Variants in RAB3B observed in about 807,000 individuals in gnomAD.
RAB3B encodes RAB3B, member RAS oncogene family.
RAB3B carries 11 observed loss-of-function variants against 20.5 expected under a neutral mutation model. The observed-to-expected ratio is 0.54, with a 90% CI of 0.34 to 0.89. The LOEUF is 0.89. RAB3B is among the 40% of genes least tolerant of loss of function. RAB3B has a pLI of 0.02. For synonymous variants in RAB3B, 99 were observed against 106.3 expected (o/e 0.93, Z 0.42); for missense variants, 225 against 280.9 (o/e 0.80, Z 1.42).
chr1:51,943,022 C>T (rs546352932), intron 2 of RAB3B, among the ~76,000 whole-genome samples: 27 of 152,244 alleles, frequency 1.8e-4, no homozygotes, highest in African/African-American at 6.3e-4. Flanking sequence ...GCCATTCCCC[C>T]ATCTCTCCCT....
intron 4 of RAB3B, among the ~76,000 whole-genome samples, chr1:51,921,416 G>T (rs909414372): frequency 2.6e-5 from 4 of 152,188 alleles, no homozygotes; most frequent in Non-Finnish European, 4.4e-5. Context: ...ACAAAGTCAT[G>T]TGGCTGTATT....
chr1:51,920,069 C>G lies in RAB3B; in HGVS notation c.518G>C (p.Arg173Thr). 4 of 1,614,098 alleles carry G rather than the reference C, an allele frequency of 2.5e-6. No homozygotes were observed. Among genetic ancestry groups the G allele is most frequent in the Non-Finnish European group, 3.4e-6 (4 of 1,179,964 alleles). The change falls in exon 5 of 5, where the codon AGG (arginine) becomes ACG (threonine). Residue 173 changes from arginine (R) to threonine (T), a missense_variant. Coordinates refer to ENST00000371655, the MANE Select transcript of RAB3B (RefSeq NM_002867.4). ...ATCCACCAGGCGCTCAAAGGCCTGC[C>G]TTACACTGATGTTCTCCTTTGCACT... Reference protein sequence around the residue: ...EASAKENISVRQAFERLVDAI... With the variant: ...EASAKENISVTQAFERLVDAI...
intron 4 of RAB3B, 81 bp from the exon 5 acceptor site, chr1:51,920,195 T>TG: frequency 2.4e-6 from 3 of 1,245,722 alleles, no homozygotes; most frequent in Non-Finnish European, 2.2e-6. Flanking sequence ...CCAAGCACTC[T>TG]GGATTAATAT....
intron 1 of RAB3B, among the ~76,000 whole-genome samples, chr1:51,980,037 A>AC (rs1216781110): frequency 1.3e-5 from 2 of 151,006 alleles, no homozygotes; most frequent in East Asian, 1.9e-4. Flanking sequence ...GCGAGACTCC[A>AC]CCCCCCCAAA....
At chr1:51,986,748 C>T (rs900837889) in intron 1 of RAB3B, among the ~76,000 whole-genome samples, 8 of 152,248 alleles carry the variant, frequency 5.3e-5, no homozygotes, top group South Asian at 2.1e-4. Flanking sequence ...GGTGTGAGAA[C>T]GGGGAGAGGC....
At chr1:51,951,105 G>A (rs1443318383) in intron 2 of RAB3B, among the ~76,000 whole-genome samples, 1 of 150,524 alleles carries the variant, frequency 6.6e-6, no homozygotes, top group Non-Finnish European at 1.5e-5. Context: ...TCTTACAGGA[G>A]CCTGACAATG....
At chr1:51,953,662 G>A (rs1318994830) in intron 2 of RAB3B, among the ~76,000 whole-genome samples, 1 of 152,162 alleles carries the variant, frequency 6.6e-6, no homozygotes, top group Admixed American at 6.5e-5. Flanking sequence ...TTAGCTGAGT[G>A]CAGTGGCGCA....
At chr1:51,962,129 C>A (rs1684791964) in intron 2 of RAB3B, among the ~76,000 whole-genome samples, 1 of 152,194 alleles carries the variant, frequency 6.6e-6, no homozygotes, top group Non-Finnish European at 1.5e-5. Flanking sequence ...TTTGTGTGAA[C>A]TTGAGACAGC....
At chr1:51,938,056 C>T (rs1684433998) in intron 2 of RAB3B, among the ~76,000 whole-genome samples, 1 of 144,698 alleles carries the variant, frequency 6.9e-6, no homozygotes, top group Non-Finnish European at 1.5e-5. Context: ...AGGCTGAGAG[C>T]CCTGGCACAA....
At position 51,918,728 on chromosome 1, in the gene RAB3B, G is replaced by C. The variant is rs1684121954; in HGVS notation, c.*1199C>G. 6.6e-6 allele frequency: 1 copy of C among 152,194 alleles called. No individual in the cohort carries two copies. 9.4% of individuals were successfully genotyped at this position (152,194 alleles called of 1,614,324 possible). On this transcript the variant is annotated 3_prime_UTR_variant, in exon 5 of 5. Transcript: ENST00000371655. ...AGGTTAGAACTGACTAGTCAGACTA[G>C]GTAAATTTGGGCATCCCGTCAAATC...
In RAB3B at chr1:51,912,557, ATATATAT is replaced by A. The variant is rs1557957974; in HGVS notation, c.*7363_*7369del. 7.4e-4 allele frequency: 16 copies of A among 21,590 alleles called. 4 individuals are homozygous for A. The highest frequency in any genetic ancestry group is 3.0e-3 in the African/African-American group (14 of 4,734). The allele number at this position is 21,590 out of a possible 1,614,324, so 1.3% of individuals were successfully genotyped here. A position where few individuals can be genotyped will look rare whatever the true frequency, so the allele number is the denominator to read the frequency against. On this transcript the variant is annotated 3_prime_UTR_variant, in exon 5 of 5. Coordinates refer to ENST00000371655, the MANE Select transcript of RAB3B (RefSeq NM_002867.4). ...CCGTCTCTATTAAAAAAAAAAAAAT[ATATATAT>A]ATATATATATATATATATATATATA... is the stretch of plus-strand genomic sequence containing the variant.
chr1:51,915,099 G>A lies in RAB3B; in HGVS notation c.*4828C>T, dbSNP rs962834425. 6.6e-6 allele frequency: 1 copy of A among 152,194 alleles called. No homozygotes were observed. The highest frequency in any genetic ancestry group is 1.5e-5 in the Non-Finnish European group (1 of 68,028). The allele number at this position is 152,194 out of a possible 1,614,324, so 9.4% of individuals were successfully genotyped here. ...TGAAGAAAAAAATTTGAAAGAGCATGAGTCAGACAGAGGAGGGTTCAAATG... is the reference window on the plus strand; with the variant it reads ...TGAAGAAAAAAATTTGAAAGAGCATAAGTCAGACAGAGGAGGGTTCAAATG... On this transcript the variant is annotated 3_prime_UTR_variant, in exon 5 of 5. Transcript: ENST00000371655.
At position 51,912,530 on chromosome 1, in the gene RAB3B, G is replaced by C. The variant is rs1684014544; in HGVS notation, c.*7397C>G. The C allele has an allele frequency of 9.7e-6, 1 of 103,152 alleles. No homozygotes were observed. Among genetic ancestry groups the C allele is most frequent in the Non-Finnish European group, 1.8e-5 (1 of 54,496 alleles). 6.4% of individuals were successfully genotyped at this position (103,152 alleles called of 1,614,324 possible). A position where few individuals can be genotyped will look rare whatever the true frequency, so the allele number is the denominator to read the frequency against. On this transcript the variant is annotated 3_prime_UTR_variant, in exon 5 of 5. Coordinates refer to ENST00000371655, the MANE Select transcript of RAB3B (RefSeq NM_002867.4). ...GAAACCAGCTTGGGCAACATAGCAA[G>C]ACCGTCTCTATTAAAAAAAAAAAAA...
chr1:51,967,111 G>A (rs887640514), intron 2 of RAB3B, among the ~76,000 whole-genome samples: 1 of 152,160 alleles, frequency 6.6e-6, no homozygotes, highest in African/African-American at 2.4e-5. Context: ...TCAGGAGTTT[G>A]AAACCAGCCT....
At chr1:51,953,566 G>A (rs1040868975) in intron 2 of RAB3B, among the ~76,000 whole-genome samples, 1 of 152,228 alleles carries the variant, frequency 6.6e-6, no homozygotes, top group African/African-American at 2.4e-5. Context: ...CACTTTGGGA[G>A]GCCAAGGCGG....
rs1683943657 is a variant in RAB3B, at chr1:51,908,096, T to A, written c.*11831A>T. On this transcript the variant is annotated 3_prime_UTR_variant, in exon 5 of 5. Transcript: ENST00000371655. ...ACACCATAGATATTTGTAAATGAGATCTTCTCTTTTGCTACTGTGTATATA... is the reference window on the plus strand; with the variant it reads ...ACACCATAGATATTTGTAAATGAGAACTTCTCTTTTGCTACTGTGTATATA... The A allele has an allele frequency of 6.6e-6, 1 of 152,164 alleles. No individual in the cohort carries two copies. The highest frequency in any genetic ancestry group is 6.6e-5 in the Admixed American group (1 of 15,252). The allele number at this position is 152,164 out of a possible 1,614,324, so 9.4% of individuals were successfully genotyped here.
chr1:51,941,901 A>C (rs183719209), intron 2 of RAB3B, among the ~76,000 whole-genome samples: 4 of 152,342 alleles, frequency 2.6e-5, no homozygotes, highest in Admixed American at 2.6e-4. Context: ...TGGATAAATG[A>C]GTGAATGAAT....
intron 3 of RAB3B, among the ~76,000 whole-genome samples, chr1:51,936,414 A>T (rs2124254415): frequency 6.6e-6 from 1 of 152,272 alleles, no homozygotes; most frequent in South Asian, 2.1e-4. Context: ...CAGCCCAGGG[A>T]TAAACTTTAA....
At position 51,920,074 on chromosome 1, in the gene RAB3B, A is replaced by G. The variant is rs753079190; in HGVS notation, c.513T>C (p.Ser171=). The G allele has an allele frequency of 6.2e-7, 1 of 1,614,082 alleles. No homozygotes were observed. Among genetic ancestry groups the G allele is most frequent in the Non-Finnish European group, 8.5e-7 (1 of 1,179,956 alleles). Reference sequence around the variant, plus strand: ...CCAGGCGCTCAAAGGCCTGCCTTACACTGATGTTCTCCTTTGCACTGGCTT... The same window carrying G: ...CCAGGCGCTCAAAGGCCTGCCTTACGCTGATGTTCTCCTTTGCACTGGCTT... ...FFEASAKENI[S]VRQAFERLVD... is the part of the protein sequence containing the mutation. Residue 171 remains serine (S), a synonymous_variant, in exon 5 of 5, where the codon AGT becomes AGC. Transcript: ENST00000371655.
Sources: gnomAD v4.1 joint callset for allele counts (sites outside exome capture counted in the v4.1 genomes callset) on GRCh38, gnomAD v4.1.1 for gene constraint, MANE v1.5 for transcripts, NCBI Gene and HGNC (gene_info 2026-07-23, HGNC 2026-07-21) for gene names.